Variants in SFXN5 observed in about 807,000 individuals in gnomAD.
The protein encoded by SFXN5 is sideroflexin-5.
SFXN5 carries 43 observed loss-of-function variants against 50.2 expected under a neutral mutation model. The ratio of observed to expected loss-of-function variants is 0.86; its 90% confidence interval spans 0.67 to 1.11. SFXN5 has a LOEUF of 1.11. Among genes scored for constraint, SFXN5 ranks in the 50% least tolerant of loss-of-function variants. The pLI, the probability that SFXN5 is intolerant of heterozygous loss-of-function variation, is 0.00. For synonymous variants in SFXN5, 203 were observed against 185.8 expected, an observed-to-expected ratio of 1.09 and a Z score of -0.75; for missense variants, 463 against 454.1, an observed-to-expected ratio of 1.02 and a Z score of -0.18.
intron 6 of SFXN5, 32 bp downstream of exon 6, chr2:73,020,207 A>T (rs749771797): frequency 6.2e-7 from 1 of 1,603,192 alleles, no homozygotes; most frequent in Admixed American, 1.7e-5. Flanking sequence ...ATAATTTTTT[A>T]GAAAAGGAAA....
intron 11 of SFXN5, among the ~76,000 whole-genome samples, chr2:72,971,259 T>C (rs937552144): frequency 6.6e-6 from 1 of 151,936 alleles, no homozygotes; most frequent in African/African-American, 2.4e-5. Context: ...GGAAGAGAGC[T>C]CTGAGGGAGT....
chr2:73,006,515 G>A lies in SFXN5; in HGVS notation c.358-4937C>T, dbSNP rs146393502. Among the ~76,000 whole-genome samples, 685 of 152,152 alleles carry A rather than the reference G, an allele frequency of 4.5e-3. 9 individuals are homozygous for A. Among genetic ancestry groups the A allele is most frequent in the African/African-American group, 0.015 (619 of 41,498 alleles). On this transcript the variant is annotated intron_variant, in intron 6 of 13. Transcript: ENST00000272433. ...CAGGTGACTATAATCCCAGCTACTT[G>A]GGAGGCTGAGGCACACGAACTGCTT...
chr2:73,047,412 T>C (rs189957454), intron 2 of SFXN5, among the ~76,000 whole-genome samples: 109 of 149,042 alleles, frequency 7.3e-4, no homozygotes, highest in Non-Finnish European at 1.3e-3. Context: ...TATATACATA[T>C]AAAATCTTGG....
At position 73,036,385 on chromosome 2, in the gene SFXN5, G is replaced by T. The variant is rs139935500; in HGVS notation, c.249+4469C>A. Among the ~76,000 whole-genome samples the T allele has an allele frequency of 2.5e-3, 376 of 152,232 alleles. 6 individuals carry two copies. The highest frequency in any genetic ancestry group is 8.6e-3 in the African/African-American group (358 of 41,534). On this transcript the variant is annotated intron_variant, in intron 3 of 13. Coordinates refer to ENST00000272433, the MANE Select transcript of SFXN5 (RefSeq NM_144579.3). ...GGGAGAGGGAGGATCTGCCTCTAGGGGGCCATAGTGGCAGGCTCACACCTA... is the reference window on the plus strand; with the variant it reads ...GGGAGAGGGAGGATCTGCCTCTAGGTGGCCATAGTGGCAGGCTCACACCTA...
intron 3 of SFXN5, among the ~76,000 whole-genome samples, chr2:73,039,548 G>GA (rs1281377646): frequency 6.6e-6 from 1 of 152,168 alleles, no homozygotes; most frequent in Non-Finnish European, 1.5e-5. Context: ...ATGGATGGCG[G>GA]AAAGAAGTGT....
In SFXN5 at chr2:72,961,711, C is replaced by G. The variant is rs1421115103; in HGVS notation, c.828-463G>C. 6.6e-6 allele frequency among the ~76,000 whole-genome samples: 1 copy of G among 152,180 alleles called. No homozygotes were observed. The highest frequency in any genetic ancestry group is 1.5e-5 in the Non-Finnish European group (1 of 68,028). ...CAAGTTCAGGGGAGATGACAAAGCA[C>G]ATACATATGGGCACACGCCAGCCAG... On this transcript the variant is annotated intron_variant, in intron 12 of 13. Transcript: ENST00000272433. This position sits in a 1 kb window ranked among gnomAD's most constrained non-coding sequence, Gnocchi z 4.4.
chr2:73,001,044 G>T (rs140830025), intron 7 of SFXN5, among the ~76,000 whole-genome samples: 1 of 152,224 alleles, frequency 6.6e-6, no homozygotes, highest in Non-Finnish European at 1.5e-5. Flanking sequence ...GATATCCTCA[G>T]TTTTCATGGC....
chr2:73,045,081 G>A (rs571892754), intron 2 of SFXN5, among the ~76,000 whole-genome samples: 50 of 152,360 alleles, frequency 3.3e-4, no homozygotes, highest in Admixed American at 1.2e-3. Flanking sequence ...CTGTTCACAG[G>A]AGATATGGAT....
chr2:72,991,822 A>G (rs1672641974), intron 9 of SFXN5, among the ~76,000 whole-genome samples: 1 of 152,216 alleles, frequency 6.6e-6, no homozygotes, highest in Admixed American at 6.5e-5. Flanking sequence ...AGCTCATCAC[A>G]AACAGCAGCT....
chr2:73,066,269 CAA>C (rs1416754388), intron 1 of SFXN5, among the ~76,000 whole-genome samples: 1 of 152,026 alleles, frequency 6.6e-6, no homozygotes, highest in Non-Finnish European at 1.5e-5. Flanking sequence ...TTAAAAGATA[CAA>C]AAGAGGCCGG....
intron 13 of SFXN5, among the ~76,000 whole-genome samples, chr2:72,951,183 C>T (rs1268299111): frequency 6.6e-6 from 1 of 152,178 alleles, no homozygotes; most frequent in Non-Finnish European, 1.5e-5. Flanking sequence ...AGCAGTGCCG[C>T]CCTGCTAGCG....
At chr2:73,043,394 C>T (rs890915667) in intron 2 of SFXN5, among the ~76,000 whole-genome samples, 5 of 152,236 alleles carry the variant, frequency 3.3e-5, no homozygotes, top group African/African-American at 1.2e-4. Flanking sequence ...TGTACTATGG[C>T]AGCAGGAATA....
At chr2:73,001,737 T>C (rs1673942790) in intron 6 of SFXN5, among the ~76,000 whole-genome samples, 159 bp from the exon 7 acceptor site, 2 of 152,148 alleles carry the variant, frequency 1.3e-5, no homozygotes, top group Admixed American at 6.5e-5. Context: ...GGAGAGGCTG[T>C]GTGATGGGAA....
intron 6 of SFXN5, among the ~76,000 whole-genome samples, chr2:73,016,683 G>A (rs1222238391): frequency 6.6e-6 from 1 of 152,218 alleles, no homozygotes; most frequent in African/African-American, 2.4e-5. Flanking sequence ...CAGCCTGGGA[G>A]ACAGAGTGAG....
At chr2:72,964,929 G>T (rs376300332) in intron 12 of SFXN5, among the ~76,000 whole-genome samples, 21 of 152,346 alleles carry the variant, frequency 1.4e-4, no homozygotes, top group African/African-American at 4.1e-4. Context: ...GATACGGAAG[G>T]GGGGAAGGGA....
intron 13 of SFXN5, among the ~76,000 whole-genome samples, chr2:72,958,826 G>A (rs939911966): frequency 3.3e-5 from 5 of 152,140 alleles, no homozygotes; most frequent in Non-Finnish European, 5.9e-5. Flanking sequence ...GACAAGGCTG[G>A]CCGCTGTGGG....
chr2:72,951,656 A>G (rs1185661082), intron 13 of SFXN5, among the ~76,000 whole-genome samples: 3 of 146,578 alleles, frequency 2.0e-5, no homozygotes, highest in Non-Finnish European at 4.5e-5. Flanking sequence ...CCTACTACAA[A>G]GAACTTCCTC....
At chr2:72,982,137 C>T (rs146533404) in intron 10 of SFXN5, among the ~76,000 whole-genome samples, 3 of 152,252 alleles carry the variant, frequency 2.0e-5, no homozygotes, top group South Asian at 2.1e-4. Context: ...GCTCATGCTA[C>T]GCTGGGAAAT....
intron 9 of SFXN5, among the ~76,000 whole-genome samples, chr2:72,991,815 T>G (rs1672640563): frequency 6.6e-6 from 1 of 152,124 alleles, no homozygotes; most frequent in Admixed American, 6.5e-5. Flanking sequence ...GGCACACAGC[T>G]CATCACAAAC....
Sources: gnomAD v4.1 joint callset for allele counts (sites outside exome capture counted in the v4.1 genomes callset) on GRCh38, gnomAD v4.1.1 for gene constraint, Gnocchi (gnomAD v3.1) non-coding constraint, MANE v1.5 for transcripts, NCBI Gene and HGNC (gene_info 2026-07-23, HGNC 2026-07-21) for gene names.